IQANK1: variants seen among roughly 807,000 people sequenced by gnomAD.
IQANK1 encodes IQ motif and ankyrin repeat domain-containing protein 1.
In IQANK1, 30 loss-of-function variants were observed where a neutral mutation model predicts 22.6. That is an observed-to-expected ratio of 1.33 (90% CI 0.99 to 1.80). IQANK1 has a LOEUF of 1.80. Ranked by LOEUF, IQANK1 falls within the 40% of genes most tolerant of loss-of-function variation. The pLI is 0.00. For synonymous variants in IQANK1, 122 were observed against 99.6 expected (o/e 1.23, Z -1.34); for missense variants, 275 against 235.2 (o/e 1.17, Z -1.11).
At chr8:143,770,446 T>C (rs1819550861) in intron 3 of IQANK1, among the ~76,000 whole-genome samples, 2 of 152,222 alleles carry the variant, frequency 1.3e-5, no homozygotes, top group Non-Finnish European at 2.9e-5. Context: ...CGCTGTGATT[T>C]TCCCACATGG....
Position 143,790,397 on chromosome 8 carries a change from C to T in IQANK1, c.1472C>T (p.Pro491Leu), listed in dbSNP as rs1820011894. The T allele has an allele frequency of 2.3e-6, 2 of 866,964 alleles. No homozygotes were observed. Among genetic ancestry groups the T allele is most frequent in the African/African-American group, 1.8e-5 (1 of 56,720 alleles). 53.7% of individuals were successfully genotyped at this position (866,964 alleles called of 1,614,324 possible). The change falls in exon 14 of 14, where the codon CCA (proline) becomes CTA (leucine). Residue 491 changes from proline (P) to leucine (L), a missense_variant. Pro to Leu is a moderately conservative substitution (Grantham distance 98). Coordinates refer to ENST00000527139, the MANE Select transcript of IQANK1 (RefSeq NM_001381874.1). Reference protein sequence around the residue: ...VFDLREEDLFPVVQRQLEAVQ... With the variant: ...VFDLREEDLFLVVQRQLEAVQ... Reference sequence around the variant, plus strand: ...GACCTGCGAGAGGAAGACCTGTTCCCAGTCGTGCAGCGGCAGCTGGAGGCG... The same window carrying T: ...GACCTGCGAGAGGAAGACCTGTTCCTAGTCGTGCAGCGGCAGCTGGAGGCG...
In IQANK1 at chr8:143,752,959, G is replaced by A. The variant is rs1554628202; in HGVS notation, c.175+13011G>A. The stretch of plus-strand genomic sequence containing the variant: ...GTACCTAAAATGTATATGTTGGCCC[G>A]TTTGATGGTGTCCCACAGGTCCCTT... On this transcript the variant is annotated intron_variant, in intron 3 of 13. Transcript: ENST00000527139. Among the ~76,000 whole-genome samples, 3 of 134,202 alleles carry A rather than the reference G, an allele frequency of 2.2e-5. No homozygotes were observed. The South Asian group carries it at 7.1e-4, about 32-fold the overall frequency. The allele number at this position is 134,202 out of a possible 152,430, so 88.0% of individuals were successfully genotyped here.
intron 3 of IQANK1, 115 bp downstream of exon 3, chr8:143,740,063 T>G: frequency 1.8e-6 from 1 of 550,800 alleles, no homozygotes; most frequent in Admixed American, 3.3e-5. Flanking sequence ...CATGTACACA[T>G]GTGCTTGTGC....
intron 7 of IQANK1, among the ~76,000 whole-genome samples, chr8:143,788,022 G>A (rs530126890): frequency 5.3e-4 from 81 of 152,238 alleles, no homozygotes; most frequent in African/African-American, 1.9e-3. Context: ...TGTTTCGCAG[G>A]CCTAATTCCG....
intron 7 of IQANK1, among the ~76,000 whole-genome samples, chr8:143,779,350 C>T (rs1035302292): frequency 6.6e-6 from 1 of 152,164 alleles, no homozygotes; most frequent in African/African-American, 2.4e-5. Flanking sequence ...TCGTATGCCC[C>T]AGTATTGGTT....
chr8:143,779,032 G>T (rs1426058158), intron 7 of IQANK1, among the ~76,000 whole-genome samples: 2 of 152,154 alleles, frequency 1.3e-5, no homozygotes, highest in Non-Finnish European at 2.9e-5. Flanking sequence ...CTCCCAAAGT[G>T]CTGGGATTAC....
chr8:143,749,733 TTG>T (rs1554627846), intron 3 of IQANK1, among the ~76,000 whole-genome samples: 1 of 149,710 alleles, frequency 6.7e-6, no homozygotes, highest in Non-Finnish European at 1.5e-5. Flanking sequence ...TGGCTAATTT[TTG>T]TGTTTTTTGT....
intron 3 of IQANK1, among the ~76,000 whole-genome samples, chr8:143,768,157 A>G (rs1554629392): frequency 6.6e-6 from 1 of 151,758 alleles, no homozygotes; most frequent in Non-Finnish European, 1.5e-5. Context: ...TGCTGGGGTT[A>G]CAGGTGTGAG....
intron 7 of IQANK1, among the ~76,000 whole-genome samples, chr8:143,775,482 C>T (rs550205250): frequency 4.0e-4 from 61 of 151,838 alleles, no homozygotes; most frequent in Non-Finnish European, 6.9e-4. Context: ...TAGCTGAGGC[C>T]GGGCGGGGTG....
intron 3 of IQANK1, among the ~76,000 whole-genome samples, chr8:143,750,944 T>TTTTG (rs1554627961): frequency 6.7e-6 from 1 of 149,700 alleles, no homozygotes; most frequent in Non-Finnish European, 1.5e-5. Context: ...CTGTCTTCTT[T>TTTTG]TGTGTGTGTG....
At chr8:143,788,239 G>A (rs1358018488) in intron 7 of IQANK1, among the ~76,000 whole-genome samples, 5 of 152,226 alleles carry the variant, frequency 3.3e-5, no homozygotes, top group African/African-American at 4.8e-5. Flanking sequence ...GGACTGGCCC[G>A]CCACCAGGCG....
chr8:143,763,505 G>A (rs1417089277), intron 3 of IQANK1, among the ~76,000 whole-genome samples: 2 of 152,168 alleles, frequency 1.3e-5, no homozygotes, highest in African/African-American at 2.4e-5. Flanking sequence ...TTTGGATCAT[G>A]GGGGCGGGTC....
intron 3 of IQANK1, among the ~76,000 whole-genome samples, chr8:143,752,269 CT>C (rs1554628140): frequency 1.3e-5 from 2 of 152,080 alleles, no homozygotes; most frequent in Non-Finnish European, 2.9e-5. Flanking sequence ...CCCAGCCTTT[CT>C]TTTAGTGCTT....
At chr8:143,743,690 A>C (rs1354896374) in intron 3 of IQANK1, among the ~76,000 whole-genome samples, 1 of 152,254 alleles carries the variant, frequency 6.6e-6, no homozygotes, top group Non-Finnish European at 1.5e-5. Context: ...AGCCTGCTTC[A>C]GAAGTGACTG....
chr8:143,789,387 C>A, intron 9 of IQANK1, 49 bp from the exon 10 acceptor site: 2 of 1,039,478 alleles, frequency 1.9e-6, no homozygotes, highest in South Asian at 4.8e-5. Context: ...GTGACCTGGT[C>A]GGAGGATACT....
intron 7 of IQANK1, among the ~76,000 whole-genome samples, chr8:143,788,419 T>C (rs373045889): frequency 2.9e-4 from 44 of 152,118 alleles, no homozygotes; most frequent in African/African-American, 8.2e-4. Flanking sequence ...GCTCCTGGAG[T>C]GCTGGGGACT....
chr8:143,790,093 T>G (rs1441963291), intron 12 of IQANK1, 29 bp downstream of exon 12: 2 of 1,231,898 alleles, frequency 1.6e-6, no homozygotes. Flanking sequence ...ACGTGGGCGA[T>G]TTGGGGTTTG....
intron 7 of IQANK1, among the ~76,000 whole-genome samples, chr8:143,788,057 C>T (rs1554631624): frequency 1.3e-5 from 2 of 152,210 alleles, no homozygotes; most frequent in African/African-American, 4.8e-5. Context: ...CCTGCCCCAC[C>T]CGGCCCTTCT....
chr8:143,775,335 T>C (rs1587489428), intron 7 of IQANK1, among the ~76,000 whole-genome samples: 1 of 147,620 alleles, frequency 6.8e-6, no homozygotes, highest in African/African-American at 2.5e-5. Flanking sequence ...CCAGGCATGC[T>C]ACACACACAC....
Sources: allele counts gnomAD v4.1 joint callset (sites outside exome capture counted in the v4.1 genomes callset), GRCh38; gene constraint gnomAD v4.1.1; transcripts MANE v1.5; gene names NCBI Gene and HGNC (gene_info 2026-07-23, HGNC 2026-07-21).